Variants in FOXP1 observed in about 807,000 individuals in gnomAD.
FOXP1 encodes forkhead box protein P1.
A neutral mutation model predicts 98.2 loss-of-function variants in FOXP1; 15 were observed. The observed-to-expected ratio is 0.15, with a 90% CI of 0.10 to 0.24. The LOEUF is 0.24. FOXP1 is among the 10% of genes least tolerant of loss of function. The pLI is 1.00. For synonymous variants in FOXP1, 371 were observed against 314.5 expected, an observed-to-expected ratio of 1.18 and a Z score of -1.90; for missense variants, 633 against 848.5, an observed-to-expected ratio of 0.75 and a Z score of 3.15.
At chr3:71,158,879 G>T (rs1323037759) in intron 6 of FOXP1, among the ~76,000 whole-genome samples, 2 of 151,980 alleles carry the variant, frequency 1.3e-5, no homozygotes, top group East Asian at 3.9e-4. Flanking sequence ...GCCAAGGTGG[G>T]TCATCACTTG....
chr3:71,433,277 T>C (rs1055131443), intron 3 of FOXP1, among the ~76,000 whole-genome samples: 1 of 152,152 alleles, frequency 6.6e-6, no homozygotes, highest in East Asian at 1.9e-4. Flanking sequence ...CCCCAACCAC[T>C]TTAGGCATTG....
At chr3:71,175,580 G>T (rs575038753) in intron 6 of FOXP1, among the ~76,000 whole-genome samples, 3 of 152,294 alleles carry the variant, frequency 2.0e-5, no homozygotes, top group African/African-American at 7.2e-5. Flanking sequence ...TAGTTAGTTG[G>T]GCTTTTGTGC....
intron 3 of FOXP1, among the ~76,000 whole-genome samples, chr3:71,482,377 T>TG (rs940142489): frequency 1.3e-5 from 2 of 149,218 alleles, no homozygotes; most frequent in African/African-American, 5.0e-5. Context: ...CTTTTTTTTT[T>TG]TTTTTTTTTG....
At chr3:71,375,450 T>C (rs534306164) in intron 3 of FOXP1, among the ~76,000 whole-genome samples, 7 of 152,358 alleles carry the variant, frequency 4.6e-5, no homozygotes, top group African/African-American at 9.6e-5. Context: ...ACGTTTTGTT[T>C]CTTTTTCATT....
At chr3:71,429,165 G>C (rs2084444703) in intron 3 of FOXP1, among the ~76,000 whole-genome samples, 1 of 152,114 alleles carries the variant, frequency 6.6e-6, no homozygotes, top group South Asian at 2.1e-4. Flanking sequence ...GGCCCATGGA[G>C]TTATCACCCA....
chr3:71,264,409 C>T (rs2069443623), intron 5 of FOXP1, among the ~76,000 whole-genome samples: 1 of 152,144 alleles, frequency 6.6e-6, no homozygotes, highest in African/African-American at 2.4e-5. Context: ...AATATAAAAT[C>T]CATAATTCCA....
At chr3:71,270,672 G>A (rs937490583) in intron 5 of FOXP1, among the ~76,000 whole-genome samples, 8 of 152,210 alleles carry the variant, frequency 5.3e-5, no homozygotes, top group Admixed American at 1.3e-4. Flanking sequence ...GGGGCCCACC[G>A]TGTTTTAACT....
At chr3:71,177,172 G>C (rs1479520258) in intron 6 of FOXP1, among the ~76,000 whole-genome samples, 1 of 152,176 alleles carries the variant, frequency 6.6e-6, no homozygotes, top group East Asian at 1.9e-4. Flanking sequence ...TGCCAGGCTT[G>C]GGTGTTCACT....
intron 3 of FOXP1, among the ~76,000 whole-genome samples, chr3:71,370,898 T>C (rs2079263124): frequency 6.7e-6 from 1 of 148,582 alleles, no homozygotes; most frequent in African/African-American, 2.5e-5. Context: ...ACCTCCCGGG[T>C]TCAAGCAATT....
At chr3:71,500,257 C>T (rs1267069468) in intron 2 of FOXP1, among the ~76,000 whole-genome samples, 4 of 152,232 alleles carry the variant, frequency 2.6e-5, no homozygotes, top group Non-Finnish European at 4.4e-5. Flanking sequence ...TACGTAATTA[C>T]TTTTCTAGCT....
chr3:71,080,670 GTCCT>G (rs2054310287), intron 7 of FOXP1, among the ~76,000 whole-genome samples: 1 of 152,200 alleles, frequency 6.6e-6, no homozygotes, highest in South Asian at 2.1e-4. Context: ...CTACCACACT[GTCCT>G]TTGGAACACT....
At chr3:71,072,804 G>A (rs1275733262) in intron 7 of FOXP1, among the ~76,000 whole-genome samples, 1 of 152,162 alleles carries the variant, frequency 6.6e-6, no homozygotes, top group South Asian at 2.1e-4. Context: ...TGAGTTTTAA[G>A]CATCAGGTGG....
rs372046470 is a variant in FOXP1, at chr3:71,397,773, T to C, written c.-167-38529A>G. 2.6e-5 allele frequency among the ~76,000 whole-genome samples: 4 copies of C among 151,912 alleles called. No individual in the cohort carries two copies. The East Asian group carries it at 7.8e-4, about 30-fold the overall frequency. On this transcript the variant is annotated intron_variant, in intron 3 of 20. Coordinates refer to ENST00000649528, the MANE Select transcript of FOXP1 (RefSeq NM_001349338.3). ...TTTGAAGTCTTCAACTTATACCATT[T>C]AGAATAATTTCTCCATCTACACTGG...
intron 7 of FOXP1, among the ~76,000 whole-genome samples, chr3:71,097,461 T>C (rs1403112669): frequency 1.3e-5 from 2 of 152,146 alleles, no homozygotes; most frequent in African/African-American, 4.8e-5. Flanking sequence ...ATTTTGTTAA[T>C]CCCTGATCTA....
intron 19 of FOXP1, chr3:70,970,535 T>C (rs2035987868): frequency 1.7e-6 from 1 of 582,348 alleles, no homozygotes; most frequent in African/African-American, 1.9e-5. Context: ...TTTGCCACAA[T>C]ATTCAAAATG....
chr3:70,995,127 C>A (rs2041186997), intron 13 of FOXP1, among the ~76,000 whole-genome samples: 1 of 151,884 alleles, frequency 6.6e-6, no homozygotes, highest in Non-Finnish European at 1.5e-5. Flanking sequence ...GACATCTCTT[C>A]TTTAGCTTAG....
Position 71,414,520 on chromosome 3 carries a change from G to A in FOXP1, c.-167-55276C>T, listed in dbSNP as rs115328742. On this transcript the variant is annotated intron_variant, in intron 3 of 20. Transcript: ENST00000649528. ...CCAATATACTTGTCTGCCAATTCGA[G>A]GACTTACTGGGTAAGATTTAGGTCT... Among the ~76,000 whole-genome samples, 796 of 152,306 alleles carry A rather than the reference G, an allele frequency of 5.2e-3. 11 individuals carry two copies. Among genetic ancestry groups the A allele is most frequent in the African/African-American group, 0.018 (749 of 41,564 alleles).
intron 3 of FOXP1, among the ~76,000 whole-genome samples, chr3:71,451,395 G>A (rs2086942580): frequency 6.6e-6 from 1 of 152,178 alleles, no homozygotes; most frequent in South Asian, 2.1e-4. Flanking sequence ...AGTGGCTAGA[G>A]CACATAAAAG....
chr3:71,399,567 A>G (rs1263183365), intron 3 of FOXP1, among the ~76,000 whole-genome samples: 2 of 152,338 alleles, frequency 1.3e-5, no homozygotes, highest in East Asian at 3.9e-4. Context: ...CATAGTTCCA[A>G]CATTCACCCA....
Sources: gnomAD v4.1 joint callset for allele counts (sites outside exome capture counted in the v4.1 genomes callset) on GRCh38, gnomAD v4.1.1 for gene constraint, MANE v1.5 for transcripts, NCBI Gene and HGNC (gene_info 2026-07-23, HGNC 2026-07-21) for gene names.